JAK1: variants seen among roughly 807,000 people sequenced by gnomAD.
The protein encoded by JAK1 is tyrosine-protein kinase JAK1.
Under a neutral mutation model 136.6 loss-of-function variants are expected in JAK1, and 16 were observed. The ratio of observed to expected loss-of-function variants is 0.12; its 90% confidence interval spans 0.08 to 0.18. The LOEUF is 0.18. Ranked by LOEUF, JAK1 falls within the 10% of genes least tolerant of loss-of-function variation. The pLI is 1.00. For missense variants in JAK1, 859 were observed against 1,450.1 expected, an observed-to-expected ratio of 0.59 and a Z score of 6.62; for synonymous variants, 492 against 519.5, an observed-to-expected ratio of 0.95 and a Z score of 0.72.
intron 1 of JAK1, among the ~76,000 whole-genome samples, chr1:65,049,628 G>A (rs887627079): frequency 1.3e-5 from 2 of 152,146 alleles, no homozygotes; most frequent in African/African-American, 4.8e-5. Flanking sequence ...TTTGTTGAGA[G>A]GCACTGCTGT....
intron 4 of JAK1, 116 bp from the exon 5 acceptor site, chr1:64,873,639 C>G (rs1471390867): frequency 6.2e-6 from 7 of 1,120,510 alleles, no homozygotes; most frequent in Non-Finnish European, 9.2e-6. Flanking sequence ...GAGAAGCAGG[C>G]AGACAACCCT....
intron 13 of JAK1, 97 bp downstream of exon 13, chr1:64,847,435 G>A (rs2101013924): frequency 1.4e-6 from 2 of 1,440,646 alleles, no homozygotes; most frequent in African/African-American, 1.4e-5. Flanking sequence ...AAAACCACTG[G>A]GCCACAAGAA....
chr1:64,989,009 T>TATATATATATATATAA, intron 2 of JAK1, among the ~76,000 whole-genome samples: 1 of 109,850 alleles, frequency 9.1e-6, no homozygotes. Flanking sequence ...TGTGTATATA[T>TATATATATATATATAA]ATATATATAT....
chr1:65,011,198 G>A (rs1343037436), intron 2 of JAK1, among the ~76,000 whole-genome samples: 3 of 152,148 alleles, frequency 2.0e-5, no homozygotes, highest in African/African-American at 7.2e-5. Flanking sequence ...GCTTCTGGCT[G>A]GACACGGTGG....
intron 11 of JAK1, among the ~76,000 whole-genome samples, chr1:64,854,269 G>A (rs931394607): frequency 4.6e-5 from 7 of 152,112 alleles, no homozygotes; most frequent in Non-Finnish European, 8.8e-5. Context: ...GGACACGTTC[G>A]CTTGGAAGAA....
chr1:64,987,087 C>T lies in JAK1; in HGVS notation c.-78+57393G>A, dbSNP rs79297798. On this transcript the variant is annotated intron_variant, in intron 2 of 25. Coordinates refer to the JAK1 transcript ENST00000671954. ...GTGCACAAGGTCTAGCACAATTTGG[C>T]TCCCAGCCAATCTTACCCTACGGTT... 1.5e-3 allele frequency among the ~76,000 whole-genome samples: 225 copies of T among 152,308 alleles called. 1 individual carries two copies. The highest frequency in any genetic ancestry group is 5.2e-3 in the African/African-American group (218 of 41,572).
At chr1:64,890,417 T>A (rs1019977368) in intron 1 of JAK1, among the ~76,000 whole-genome samples, 2 of 152,224 alleles carry the variant, frequency 1.3e-5, no homozygotes, top group African/African-American at 2.4e-5. Context: ...ACTAACTCTA[T>A]ACTAGCAAGT....
intron 3 of JAK1, among the ~76,000 whole-genome samples, chr1:64,882,837 G>C (rs1468134687): frequency 6.6e-6 from 1 of 152,172 alleles, no homozygotes; most frequent in African/African-American, 2.4e-5. Flanking sequence ...AGAAGGAGGG[G>C]TCAAACTTTT....
intron 1 of JAK1, among the ~76,000 whole-genome samples, chr1:65,056,956 G>T (rs56353628): frequency 0.056 from 8,378 of 149,062 alleles, 330 homozygotes; most frequent in Admixed American, 0.15. Flanking sequence ...GTCACAAATG[G>T]TTTTTCTCTC....
chr1:65,054,482 A>G (rs1208507274), intron 1 of JAK1, among the ~76,000 whole-genome samples: 1 of 152,022 alleles, frequency 6.6e-6, no homozygotes, highest in Non-Finnish European at 1.5e-5. Context: ...TTGAAACACT[A>G]AACATTAGGA....
intron 1 of JAK1, among the ~76,000 whole-genome samples, chr1:64,940,693 G>A (rs982137987): frequency 6.6e-6 from 1 of 152,114 alleles, no homozygotes; most frequent in African/African-American, 2.4e-5. Flanking sequence ...TCAGTAGGTG[G>A]TGAAATTTAA....
At chr1:64,910,531 T>C (rs1645265482) in intron 1 of JAK1, among the ~76,000 whole-genome samples, 1 of 152,150 alleles carries the variant, frequency 6.6e-6, no homozygotes, top group Admixed American at 6.5e-5. Flanking sequence ...GTTAACGCTG[T>C]ACTTAGAAAT....
At chr1:65,013,429 CAAAA>C (rs1557758062) in intron 2 of JAK1, among the ~76,000 whole-genome samples, 1 of 150,026 alleles carries the variant, frequency 6.7e-6, no homozygotes, top group East Asian at 1.9e-4. Context: ...AAAACCGAAA[CAAAA>C]AAAGAAAATC....
rs545722769 is a variant in JAK1 at position 64,975,788 on chromosome 1, G to A, written c.-78+68692C>T. Among the ~76,000 whole-genome samples the A allele has an allele frequency of 2.4e-3, 366 of 152,196 alleles. 2 individuals carry two copies. Among genetic ancestry groups the A allele is most frequent in the African/African-American group, 8.4e-3 (349 of 41,502 alleles). ...GTGAGTCAAGGGAGTACCAGGAAAC[G>A]CCCAAGGAGATCTGGGTTCCACACA... On this transcript the variant is annotated intron_variant, in intron 2 of 25. Coordinates refer to the JAK1 transcript ENST00000671954.
chr1:64,970,470 G>A (rs1237357053), upstream of JAK1, among the ~76,000 whole-genome samples: 12 of 149,666 alleles, frequency 8.0e-5, no homozygotes, highest in East Asian at 2.0e-4. Flanking sequence ...AAAAAGGGCC[G>A]GGTGCAGTGG....
At chr1:64,869,707 C>T (rs1387578120) in intron 5 of JAK1, among the ~76,000 whole-genome samples, 1 of 152,230 alleles carries the variant, frequency 6.6e-6, no homozygotes, top group Non-Finnish European at 1.5e-5. Flanking sequence ...ATGCCAGGCA[C>T]TGGGGAACAG....
At chr1:64,963,023 G>C (rs550591043) in intron 1 of JAK1, among the ~76,000 whole-genome samples, 1 of 152,196 alleles carries the variant, frequency 6.6e-6, no homozygotes, top group African/African-American at 2.4e-5. Context: ...AGTGAGCCTA[G>C]ACTGTGCCAC....
rs774820863 is a variant in JAK1 at position 64,835,427 on chromosome 1, C to T, written c.3338G>A (p.Arg1113His). The change falls in exon 24 of 25, where the codon CGC (arginine) becomes CAC (histidine). Residue 1113 changes from arginine to histidine, a missense_variant. Physicochemically the swap from Arg to His is conservative, Grantham distance 29. Transcript: ENST00000342505. ...RLVNTLKEGK[R>H]LPCPPNCPDE... ...TGGACAGTTAGGTGGGCACGGCAGG[C>T]GTTTTCCTTCTTTTAACGTATTCAC... 12 of 1,608,314 alleles carry T rather than the reference C, an allele frequency of 7.5e-6. No individual in the cohort carries two copies. The highest frequency in any genetic ancestry group is 1.3e-5 in the African/African-American group (1 of 74,412).
At chr1:64,921,870 A>G (rs1645498921) in intron 1 of JAK1, among the ~76,000 whole-genome samples, 1 of 152,004 alleles carries the variant, frequency 6.6e-6, no homozygotes, top group African/African-American at 2.4e-5. Context: ...TCCAACCAAG[A>G]AGATAATTCT....
Sources: allele counts gnomAD v4.1 joint callset (sites outside exome capture counted in the v4.1 genomes callset), GRCh38; gene constraint gnomAD v4.1.1; transcripts MANE v1.5; gene names NCBI Gene and HGNC (gene_info 2026-07-23, HGNC 2026-07-21).